TRAPPC2L: variants seen among roughly 807,000 people sequenced by gnomAD.
TRAPPC2L encodes the protein trafficking protein particle complex subunit 2-like protein.
Under a neutral mutation model 13.2 loss-of-function variants are expected in TRAPPC2L, and 17 were observed. The observed-to-expected ratio is 1.29, with a 90% CI of 0.88 to 1.93. The LOEUF is 1.93. Ranked by LOEUF, TRAPPC2L falls within the 30% of genes most tolerant of loss-of-function variation. The probability of loss-of-function intolerance (pLI) is 0.00; values close to 1 mark genes in which losing one functional copy is unlikely to be tolerated. For missense variants in TRAPPC2L, 359 were observed against 252.1 expected, an observed-to-expected ratio of 1.42 and a Z score of -2.87; for synonymous variants, 150 against 98.1, an observed-to-expected ratio of 1.53 and a Z score of -3.12.
Position 88,857,194 on chromosome 16 carries a change from G to T in TRAPPC2L, c.33+11G>T. 1 of 1,565,324 alleles carries T rather than the reference G, an allele frequency of 6.4e-7. No individual in the cohort carries two copies. The highest frequency in any genetic ancestry group is 1.2e-5 in the South Asian group (1 of 86,416). On this transcript the variant is annotated intron_variant, in intron 1 of 3. Coordinates refer to ENST00000565504, the Ensembl canonical transcript of TRAPPC2L. ...GTGATTGCCAAGGAGGTGCGTACGCGCGGCGTGGGGCGTCCGGGCTCGCAC... is the reference window on the plus strand; with the variant it reads ...GTGATTGCCAAGGAGGTGCGTACGCTCGGCGTGGGGCGTCCGGGCTCGCAC...
upstream of TRAPPC2L, chr16:88,856,791 C>T (rs777090049): frequency 3.9e-6 from 6 of 1,536,084 alleles, no homozygotes; most frequent in East Asian, 1.0e-4. Flanking sequence ...TGTTGGGGGG[C>T]TGCGGGGCGC....
chr16:88,856,867 A>T, upstream of TRAPPC2L: 1 of 1,506,422 alleles, frequency 6.6e-7, no homozygotes, highest in Middle Eastern at 2.3e-4. Flanking sequence ...CGCCGCGACA[A>T]CCGCCGCCAT....
intron 2 of TRAPPC2L, 147 bp downstream of exon 2, chr16:88,858,938 G>C: frequency 1.3e-6 from 1 of 766,678 alleles, no homozygotes; most frequent in Non-Finnish European, 2.1e-6. Flanking sequence ...GTGAATGAAG[G>C]CCTGTAACTC....
At chr16:88,856,522 C>A, upstream of TRAPPC2L, 1 of 697,722 alleles carries the variant, frequency 1.4e-6, no homozygotes, top group Non-Finnish European at 2.6e-6. Flanking sequence ...ACCGCCGAGA[C>A]CCCACGCCTG....
At chr16:88,858,394 C>G (rs180883190) in intron 1 of TRAPPC2L, among the ~76,000 whole-genome samples, 209 of 152,256 alleles carry the variant, frequency 1.4e-3, no homozygotes, top group Middle Eastern at 0.014. Context: ...TCTTTTCCGC[C>G]CACCCTACTG....
Position 88,859,447 on chromosome 16 carries a change from A to C in TRAPPC2L, c.207-216A>C, listed in dbSNP as rs1968216338. 4 of 701,828 alleles carry C rather than the reference A, an allele frequency of 5.7e-6. No homozygotes were observed. The Admixed American group carries it at 8.0e-5, about 14-fold the overall frequency. 43.5% of individuals were successfully genotyped at this position (701,828 alleles called of 1,614,324 possible). A position where few individuals can be genotyped will look rare whatever the true frequency, so the allele number is the denominator to read the frequency against. ...CGGCTCCTGGAGTGTGAACTGGGTA[A>C]GGCTTGGCTGCCTGCTCTTCGCTTC... On this transcript the variant is annotated intron_variant, in intron 2 of 3. Transcript: ENST00000565504.
upstream of TRAPPC2L, chr16:88,856,754 T>C (rs1213209894): frequency 7.4e-7 from 1 of 1,355,204 alleles, no homozygotes; most frequent in Admixed American, 2.1e-5. Flanking sequence ...CCGCCCGCAC[T>C]CACGTCGTCC....
rs556477515 is a variant in TRAPPC2L, at chr16:88,857,756, T to G, written c.33+573T>G. 1.4e-3 allele frequency among the ~76,000 whole-genome samples: 218 copies of G among 152,292 alleles called. 2 individuals carry two copies. Among genetic ancestry groups the G allele is most frequent in the Non-Finnish European group, 3.8e-4 (26 of 68,020 alleles). ...TGCTCTGCCCTCTCACCTGTGGGCCTTTGCACGCGGAACACCTCTCCCCAG... is the reference window on the plus strand; with the variant it reads ...TGCTCTGCCCTCTCACCTGTGGGCCGTTGCACGCGGAACACCTCTCCCCAG... On this transcript the variant is annotated intron_variant, in intron 1 of 3. Transcript: ENST00000565504.
chr16:88,857,033 G>C, upstream of TRAPPC2L: 14 of 1,418,566 alleles, frequency 9.9e-6, no homozygotes, highest in Admixed American at 3.0e-5. Flanking sequence ...GGCCTGGACT[G>C]CCTCGTGACC....
chr16:88,856,246 G>T (rs541816113), upstream of TRAPPC2L: 34 of 702,698 alleles, frequency 4.8e-5, no homozygotes, highest in African/African-American at 4.4e-4. Flanking sequence ...ACAGCCGTCA[G>T]GTAAGACTGG....
upstream of TRAPPC2L, chr16:88,856,890 A>G: frequency 6.7e-7 from 1 of 1,503,508 alleles, no homozygotes; most frequent in Non-Finnish European, 8.8e-7. Flanking sequence ...CAACCACGGG[A>G]GCCGCGGAGC....
exon 2 of TRAPPC2L, chr16:88,858,774 C>T (rs760995726): frequency 1.2e-6 from 2 of 1,613,298 alleles, no homozygotes; most frequent in Admixed American, 1.7e-5. Flanking sequence ...TGCTCTACCC[C>T]ACGGAGGACT....
At chr16:88,857,789 C>T (rs1047419427) in intron 1 of TRAPPC2L, among the ~76,000 whole-genome samples, 2 of 152,244 alleles carry the variant, frequency 1.3e-5, no homozygotes, top group African/African-American at 4.8e-5. Context: ...CAGCTCCCAT[C>T]CTCTTTACTG....
At chr16:88,857,354 C>T (rs1040149908) in intron 1 of TRAPPC2L, 171 bp downstream of exon 1, 5 of 592,648 alleles carry the variant, frequency 8.4e-6, no homozygotes, top group Middle Eastern at 5.3e-4. Context: ...CAGGCAGACC[C>T]TGACTGAGAC....
chr16:88,862,530 G>A (rs1287772913), exon 4 of TRAPPC2L: 1 of 64,532 alleles, frequency 1.5e-5, no homozygotes. Flanking sequence ...CCTAAGGACA[G>A]TGGAGCAGAA....
chr16:88,859,626 C>T (rs1450513302), intron 2 of TRAPPC2L, 37 bp from the exon 3 acceptor site: 1 of 1,595,898 alleles, frequency 6.3e-7, no homozygotes. Context: ...ACCGGCAGTC[C>T]CTGTGTTACG....
chr16:88,856,489 G>T (rs748776490), upstream of TRAPPC2L: 14 of 699,716 alleles, frequency 2.0e-5, no homozygotes, highest in South Asian at 1.8e-4. Context: ...GCAGCACAGT[G>T]GCAGCGCGTG....
At chr16:88,861,288 G>T (rs945098700) in exon 4 of TRAPPC2L, 2 of 404,934 alleles carry the variant, frequency 4.9e-6, no homozygotes, top group East Asian at 5.6e-5. Flanking sequence ...GAGCCTGCAG[G>T]ACCTGTGACC....
chr16:88,860,868 G>T (rs1481623749), exon 4 of TRAPPC2L: 4 of 1,565,622 alleles, frequency 2.6e-6, no homozygotes, highest in East Asian at 2.3e-5. Flanking sequence ...GAGCAGAGGG[G>T]TGGAGGGCCT....
Sources: gnomAD v4.1 joint callset for allele counts (sites outside exome capture counted in the v4.1 genomes callset) on GRCh38, gnomAD v4.1.1 for gene constraint, MANE v1.5 for transcripts, NCBI Gene and HGNC (gene_info 2026-07-23, HGNC 2026-07-21) for gene names.